Variants in DNAH7 observed in about 807,000 individuals in gnomAD.
DNAH7 encodes axonemal beta dynein heavy chain 7.
A neutral mutation model predicts 444.6 loss-of-function variants in DNAH7; 397 were observed. The observed-to-expected ratio is 0.89, with a 90% CI of 0.82 to 0.97. The LOEUF (loss-of-function observed/expected upper bound fraction) is 0.97. DNAH7 is among the 50% of genes least tolerant of loss of function. The probability of loss-of-function intolerance (pLI) is 0.00; values close to 1 mark genes in which losing one functional copy is unlikely to be tolerated. For missense variants in DNAH7, 4,902 were observed against 4,800.8 expected (o/e 1.02, Z -0.62); for synonymous variants, 1,636 against 1,624.4 (o/e 1.01, Z -0.17).
intron 61 of DNAH7, among the ~76,000 whole-genome samples, chr2:195,759,999 ATCT>A (rs1468295219): frequency 6.6e-6 from 1 of 152,144 alleles, no homozygotes; most frequent in African/African-American, 2.4e-5. Flanking sequence ...TAATAGAAAA[ATCT>A]TCTTAATCAA....
intron 47 of DNAH7, among the ~76,000 whole-genome samples, chr2:195,840,324 C>T (rs908941697): frequency 6.6e-5 from 10 of 151,396 alleles, no homozygotes; most frequent in African/African-American, 2.4e-4. Context: ...TGTTAAAAAC[C>T]ATCAGCAAAC....
intron 25 of DNAH7, among the ~76,000 whole-genome samples, chr2:195,909,019 T>C (rs570039043): frequency 1.3e-5 from 2 of 152,226 alleles, no homozygotes; most frequent in African/African-American, 4.8e-5. Flanking sequence ...CTAGAATTTT[T>C]AAAATGTGCT....
chr2:195,882,568 G>C (rs73987113), intron 35 of DNAH7, among the ~76,000 whole-genome samples: 1,800 of 152,264 alleles, frequency 0.012, 34 homozygotes, highest in African/African-American at 0.04. Context: ...CTCTAGAACA[G>C]GCAAGATTTC....
chr2:195,814,649 C>T (rs1434234197), intron 51 of DNAH7, among the ~76,000 whole-genome samples: 1 of 152,042 alleles, frequency 6.6e-6, no homozygotes, highest in East Asian at 1.9e-4. Context: ...TTGTTATAAG[C>T]AAGGTAGAAA....
chr2:195,748,842 G>T (rs1303762676), intron 63 of DNAH7, among the ~76,000 whole-genome samples: 1 of 152,000 alleles, frequency 6.6e-6, no homozygotes, highest in Non-Finnish European at 1.5e-5. Context: ...AATTCAAGAT[G>T]GATTAAAGAC....
intron 2 of DNAH7, among the ~76,000 whole-genome samples, 162 bp downstream of exon 2, chr2:196,057,892 C>T (rs1264830275): frequency 6.6e-6 from 1 of 152,140 alleles, no homozygotes; most frequent in East Asian, 1.9e-4. Context: ...ATTATTCTTC[C>T]TATGTACCTC....
At chr2:195,906,634 G>C in intron 27 of DNAH7, 25 bp downstream of exon 27, 1 of 1,600,862 alleles carries the variant, frequency 6.2e-7, no homozygotes, top group Non-Finnish European at 8.5e-7. Context: ...AGAAGAAATA[G>C]ATTATATAAT....
chr2:195,985,758 A>G (rs1486042830), intron 14 of DNAH7, among the ~76,000 whole-genome samples: 1 of 152,118 alleles, frequency 6.6e-6, no homozygotes, highest in East Asian at 1.9e-4. Flanking sequence ...TAAAATAAGT[A>G]TTTCACCCAG....
chr2:195,755,192 A>G (rs1054619861), intron 62 of DNAH7, among the ~76,000 whole-genome samples: 7 of 152,202 alleles, frequency 4.6e-5, no homozygotes, highest in African/African-American at 1.2e-4. Flanking sequence ...TCTCTCTCTA[A>G]TTAGTCATTA....
intron 1 of DNAH7, among the ~76,000 whole-genome samples, chr2:196,060,701 G>A (rs1698087923): frequency 6.6e-6 from 1 of 152,128 alleles, no homozygotes; most frequent in African/African-American, 2.4e-5. Context: ...TCTCCAGAAT[G>A]TTCTCCAGTG....
chr2:195,820,538 A>T (rs1697415887), intron 49 of DNAH7, among the ~76,000 whole-genome samples: 1 of 152,112 alleles, frequency 6.6e-6, no homozygotes, highest in Non-Finnish European at 1.5e-5. Context: ...ACCACAAATC[A>T]TCAGAGGTGA....
At chr2:195,798,151 T>A (rs541682453) in intron 55 of DNAH7, among the ~76,000 whole-genome samples, 1 of 152,210 alleles carries the variant, frequency 6.6e-6, no homozygotes, top group African/African-American at 2.4e-5. Flanking sequence ...ATATCAATTT[T>A]TTTTGGCCTA....
At chr2:195,901,798 T>C (rs748628954) in intron 27 of DNAH7, 2 of 152,164 alleles carry the variant, frequency 1.3e-5, no homozygotes, top group Non-Finnish European at 2.9e-5. Context: ...AAATAAGTAA[T>C]ACACAATTAT....
At chr2:195,922,571 C>T (rs75521222) in intron 23 of DNAH7, among the ~76,000 whole-genome samples, 1,605 of 152,216 alleles carry the variant, frequency 0.011, 36 homozygotes, top group East Asian at 0.067. Flanking sequence ...GAAATGATTC[C>T]GCCATCTGAG....
intron 5 of DNAH7, among the ~76,000 whole-genome samples, chr2:196,034,497 G>A (rs1696261162): frequency 6.6e-6 from 1 of 152,160 alleles, no homozygotes; most frequent in Non-Finnish European, 1.5e-5. Context: ...CCAAGTCCCA[G>A]TAGGCATTTT....
chr2:195,932,396 T>C (rs1291382261), intron 21 of DNAH7, among the ~76,000 whole-genome samples: 1 of 152,152 alleles, frequency 6.6e-6, no homozygotes, highest in Non-Finnish European at 1.5e-5. Flanking sequence ...TTTTCCTACT[T>C]GAATACCCTT....
chr2:196,047,092 A>G (rs1267474328), intron 5 of DNAH7, among the ~76,000 whole-genome samples: 1 of 152,174 alleles, frequency 6.6e-6, no homozygotes, highest in African/African-American at 2.4e-5. Flanking sequence ...ACTGGCTACC[A>G]TGGCTATAAT....
Position 195,796,747 on chromosome 2 carries a change from A to T in DNAH7, c.10354-10T>A. 1 of 1,598,730 alleles carries T rather than the reference A, an allele frequency of 6.3e-7. No individual in the cohort carries two copies. The highest frequency in any genetic ancestry group is 8.5e-7 in the Non-Finnish European group (1 of 1,173,222). ...TTGATCCCCCATATCCCTGTGTACA[A>T]GAATAGTAGAGATGTTATTTAAAAT... is the stretch of plus-strand genomic sequence containing the variant. On this transcript the variant is annotated splice_polypyrimidine_tract_variant and intron_variant, in intron 55 of 64. Coordinates refer to ENST00000312428, the MANE Select transcript of DNAH7 (RefSeq NM_018897.3).
chr2:195,982,491 A>G (rs1034354745), intron 15 of DNAH7, among the ~76,000 whole-genome samples: 25 of 152,272 alleles, frequency 1.6e-4, no homozygotes, highest in East Asian at 5.8e-4. Context: ...ATATACCCCA[A>G]TGAAGGGAAA....
Sources: allele counts gnomAD v4.1 joint callset (sites outside exome capture counted in the v4.1 genomes callset), GRCh38; gene constraint gnomAD v4.1.1; transcripts MANE v1.5; gene names NCBI Gene and HGNC (gene_info 2026-07-23, HGNC 2026-07-21).